The following KIAA1217 variants were observed in gnomAD, a reference collection of about 807,000 sequenced individuals.
The protein encoded by KIAA1217 is KIAA1217.
Under a neutral mutation model 163.9 loss-of-function variants are expected in KIAA1217, and 88 were observed. The observed-to-expected ratio is 0.54, with a 90% CI of 0.45 to 0.64. KIAA1217 has a LOEUF of 0.64. Among genes scored for constraint, KIAA1217 ranks in the 30% least tolerant of loss-of-function variants. The pLI, the probability that KIAA1217 is intolerant of heterozygous loss-of-function variation, is 0.00. For synonymous variants in KIAA1217, 903 were observed against 923.1 expected, an observed-to-expected ratio of 0.98 and a Z score of 0.39; for missense variants, 2,372 against 2,475.0, an observed-to-expected ratio of 0.96 and a Z score of 0.88.
intron 1 of KIAA1217, among the ~76,000 whole-genome samples, chr10:23,852,180 T>C (rs1182858058): frequency 1.3e-5 from 2 of 152,176 alleles, no homozygotes; most frequent in African/African-American, 4.8e-5. Flanking sequence ...CCATCTTGAA[T>C]TAATTTTTGT....
chr10:24,015,487 G>A (rs541873430), intron 2 of KIAA1217, among the ~76,000 whole-genome samples: 2 of 152,030 alleles, frequency 1.3e-5, no homozygotes, highest in Non-Finnish European at 2.9e-5. Context: ...CAGGCATGGT[G>A]GCTTATACCC....
chr10:24,406,984 A>G (rs1339531523), intron 3 of KIAA1217, among the ~76,000 whole-genome samples: 1 of 152,208 alleles, frequency 6.6e-6, no homozygotes, highest in Non-Finnish European at 1.5e-5. Context: ...GTGAGCGCAG[A>G]GCCTTCTATA....
chr10:24,057,950 G>T (rs946476570), intron 2 of KIAA1217, among the ~76,000 whole-genome samples: 9 of 152,062 alleles, frequency 5.9e-5, no homozygotes, highest in Non-Finnish European at 1.3e-4. Flanking sequence ...CTGTGCTTTT[G>T]TTGTCATTTC....
At chr10:24,279,289 T>A (rs577343550) in intron 2 of KIAA1217, among the ~76,000 whole-genome samples, 316 of 151,628 alleles carry the variant, frequency 2.1e-3, no homozygotes, top group African/African-American at 6.0e-3. Context: ...TTTTTTTTTT[T>A]AAAAAAAGAT....
At chr10:23,995,204 C>T (rs557189093) in intron 1 of KIAA1217, among the ~76,000 whole-genome samples, 41 of 152,188 alleles carry the variant, frequency 2.7e-4, no homozygotes, top group Non-Finnish European at 5.0e-4. Context: ...ATCATGGTCT[C>T]CTGGAAGATC....
At chr10:23,726,599 C>A (rs1298876344) in intron 1 of KIAA1217, among the ~76,000 whole-genome samples, 1 of 152,018 alleles carries the variant, frequency 6.6e-6, no homozygotes, top group African/African-American at 2.4e-5. Context: ...AAGAAACTAC[C>A]ATCAGAGTGA....
In KIAA1217 at chr10:24,437,211, A is replaced by T. The variant is rs541123041; in HGVS notation, c.753-1175A>T. ...GGGAGCTCCTTTAGTGAAACCCCAC[A>T]TCCTTACCTCTGTGAGTCTCCCCTT... On this transcript the variant is annotated intron_variant, in intron 4 of 20. Transcript: ENST00000376454. 3.9e-5 allele frequency among the ~76,000 whole-genome samples: 6 copies of T among 152,182 alleles called. No homozygotes were observed. The South Asian group carries it at 1.2e-3, about 32-fold the overall frequency.
At chr10:24,184,925 G>A (rs369926585) in intron 2 of KIAA1217, among the ~76,000 whole-genome samples, 2 of 152,124 alleles carry the variant, frequency 1.3e-5, no homozygotes, top group East Asian at 1.9e-4. Context: ...AAAAAAATAT[G>A]TATTTCTCTC....
At chr10:24,475,516 G>T (rs1296999095) in intron 6 of KIAA1217, among the ~76,000 whole-genome samples, 1 of 152,202 alleles carries the variant, frequency 6.6e-6, no homozygotes, top group African/African-American at 2.4e-5. Context: ...GAAAGAACAT[G>T]AAAGTTCTGG....
chr10:23,740,512 C>A (rs1423513600), intron 1 of KIAA1217, among the ~76,000 whole-genome samples: 1 of 152,126 alleles, frequency 6.6e-6, no homozygotes, highest in African/African-American at 2.4e-5. Context: ...ATGCGCACCA[C>A]CACACCCAGT....
intron 2 of KIAA1217, among the ~76,000 whole-genome samples, chr10:24,330,637 A>G (rs11014032): frequency 1.3e-5 from 2 of 152,086 alleles, no homozygotes; most frequent in African/African-American, 2.4e-5. Context: ...TATTTTTGAG[A>G]CAGGGTCTAG....
chr10:23,741,092 C>G (rs554587754), intron 1 of KIAA1217, among the ~76,000 whole-genome samples: 229 of 152,332 alleles, frequency 1.5e-3, no homozygotes, highest in Non-Finnish European at 1.9e-3. Context: ...TAGCCGCAAT[C>G]TGTGTCTTCC....
intron 2 of KIAA1217, among the ~76,000 whole-genome samples, chr10:24,032,263 T>C (rs1215840656): frequency 6.6e-6 from 1 of 152,156 alleles, no homozygotes; most frequent in African/African-American, 2.4e-5. Context: ...TGTTTTGTCA[T>C]TTTGTTTTGT....
chr10:24,069,594 G>A (rs186551832), intron 2 of KIAA1217, among the ~76,000 whole-genome samples: 1 of 152,192 alleles, frequency 6.6e-6, no homozygotes, highest in African/African-American at 2.4e-5. Flanking sequence ...GCTGTGCTGG[G>A]GGTAGGGGTT....
At chr10:24,274,453 C>CA (rs1257642214) in intron 2 of KIAA1217, among the ~76,000 whole-genome samples, 35 of 151,852 alleles carry the variant, frequency 2.3e-4, no homozygotes, top group African/African-American at 6.8e-4. Context: ...CTCACATCTG[C>CA]AAAAAAAGTA....
chr10:24,349,627 A>T (rs1261648529), intron 2 of KIAA1217, among the ~76,000 whole-genome samples: 1 of 152,186 alleles, frequency 6.6e-6, no homozygotes, highest in Non-Finnish European at 1.5e-5. Context: ...GGAGGCTCTT[A>T]TAACCTGAGG....
chr10:24,225,595 A>G (rs1380043449), intron 2 of KIAA1217, among the ~76,000 whole-genome samples: 2 of 152,214 alleles, frequency 1.3e-5, no homozygotes, highest in African/African-American at 4.8e-5. Flanking sequence ...CTACCATGGT[A>G]AAGGTATTTG....
intron 2 of KIAA1217, among the ~76,000 whole-genome samples, chr10:24,301,764 G>A (rs561592573): frequency 1.3e-5 from 2 of 152,164 alleles, no homozygotes; most frequent in East Asian, 1.9e-4. Flanking sequence ...GAACGGGTTG[G>A]CCAGGCGCAG....
intron 2 of KIAA1217, among the ~76,000 whole-genome samples, chr10:24,065,028 C>G (rs1438314450): frequency 4.6e-5 from 7 of 152,136 alleles, no homozygotes; most frequent in Non-Finnish European, 8.8e-5. Context: ...TGATTCTTCT[C>G]TCTTTTCTTC....
Sources: allele counts gnomAD v4.1 joint callset (sites outside exome capture counted in the v4.1 genomes callset), GRCh38; gene constraint gnomAD v4.1.1; transcripts MANE v1.5; gene names NCBI Gene and HGNC (gene_info 2026-07-23, HGNC 2026-07-21).